Variants in ANKRD31 observed in about 807,000 individuals in gnomAD.
ANKRD31 encodes ankyrin repeat domain 31, also known as ankyrin repeat domain-containing protein 31.
Under a neutral mutation model 186.0 loss-of-function variants are expected in ANKRD31, and 147 were observed. The observed-to-expected ratio is 0.79, with a 90% CI of 0.69 to 0.91. The LOEUF is 0.91. ANKRD31 is among the 40% of genes least tolerant of loss of function. ANKRD31 has a pLI of 0.00. For missense variants in ANKRD31, 1,986 were observed against 2,148.8 expected, an observed-to-expected ratio of 0.92 and a Z score of 1.50; for synonymous variants, 673 against 736.4, an observed-to-expected ratio of 0.91 and a Z score of 1.39.
chr5:75,116,453 C>A (rs1489743837), intron 19 of ANKRD31, 113 bp downstream of exon 19: 2 of 395,386 alleles, frequency 5.1e-6, no homozygotes, highest in Admixed American at 4.7e-5. Flanking sequence ...TAAAAAATTT[C>A]TATCTTTGTA....
intron 17 of ANKRD31, among the ~76,000 whole-genome samples, chr5:75,120,903 T>A (rs1377016632): frequency 6.6e-6 from 1 of 151,932 alleles, no homozygotes; most frequent in African/African-American, 2.4e-5. Context: ...AGACAAAAGA[T>A]AAAGGGTGCG....
intron 22 of ANKRD31, among the ~76,000 whole-genome samples, chr5:75,100,835 T>A (rs541173267): frequency 6.6e-6 from 1 of 152,318 alleles, no homozygotes; most frequent in African/African-American, 2.4e-5. Flanking sequence ...ATCAGATGGG[T>A]CTCCTGAATA....
rs559269329 is a variant in ANKRD31, at chr5:75,075,286, A to G, written c.5647+5282T>C. On this transcript the variant is annotated intron_variant, in intron 25 of 25. Transcript: ENST00000506364. ...CATGCTCCAGGTATGGCCTATGGGT[A>G]TGGTTTTCCCCACCCTCTCCTTGTT... is the stretch of plus-strand genomic sequence containing the variant. Among the ~76,000 whole-genome samples the G allele has an allele frequency of 2.0e-5, 3 of 152,306 alleles. No homozygotes were observed. In the East Asian group the frequency reaches 5.8e-4, roughly 29 times the overall value.
rs2150149537 is a variant in ANKRD31 at position 75,148,640 on chromosome 5, AAG to A, written c.1853-14_1853-13del. 1 of 1,516,846 alleles carries A rather than the reference AAG, an allele frequency of 6.6e-7. No individual in the cohort carries two copies. The highest frequency in any genetic ancestry group is 8.8e-7 in the Non-Finnish European group (1 of 1,136,380). The allele number at this position is 1,516,846 out of a possible 1,614,324, so 94.0% of individuals were successfully genotyped here. ...GCTACTCCTTTGAGCTGTAAACAAA[AAG>A]AGAAAATCAATGAAAACAGCTTCTA... On this transcript the variant is annotated splice_polypyrimidine_tract_variant and intron_variant, in intron 12 of 25. Coordinates refer to ENST00000506364, the MANE Select transcript of ANKRD31 (RefSeq NM_001372053.1).
At chr5:75,100,024 A>C (rs1426081425) in intron 22 of ANKRD31, among the ~76,000 whole-genome samples, 1 of 152,044 alleles carries the variant, frequency 6.6e-6, no homozygotes, top group African/African-American at 2.4e-5. Flanking sequence ...TAGGGTGTCA[A>C]TTTTAGGTCT....
intron 24 of ANKRD31, among the ~76,000 whole-genome samples, chr5:75,082,591 G>C (rs1432148073): frequency 2.0e-5 from 3 of 152,104 alleles, no homozygotes; most frequent in Non-Finnish European, 4.4e-5. Context: ...CAGGCTAAAG[G>C]CTATTCCATC....
chr5:75,091,222 T>C (rs1266776682), intron 23 of ANKRD31, 39 bp downstream of exon 23: 4 of 1,494,430 alleles, frequency 2.7e-6, no homozygotes, highest in African/African-American at 2.8e-5. Flanking sequence ...ACTTTTCCAT[T>C]TGAATATGAA....
At chr5:75,096,418 G>T (rs1746322250) in intron 22 of ANKRD31, among the ~76,000 whole-genome samples, 1 of 152,086 alleles carries the variant, frequency 6.6e-6, no homozygotes, top group Non-Finnish European at 1.5e-5. Flanking sequence ...TTAGACCTTT[G>T]TCAGGTGGAT....
At chr5:75,179,020 A>C in intron 10 of ANKRD31, among the ~76,000 whole-genome samples, 1 of 152,184 alleles carries the variant, frequency 6.6e-6, no homozygotes, top group African/African-American at 2.4e-5. Flanking sequence ...GAGAAGAATC[A>C]AATAGACGCA....
Position 75,140,269 on chromosome 5 carries a change from A to G in ANKRD31, c.3596-1286T>C, listed in dbSNP as rs2335148. On this transcript the variant is annotated intron_variant, in intron 15 of 25. Coordinates refer to ENST00000506364, the MANE Select transcript of ANKRD31 (RefSeq NM_001372053.1). ...AAGGAAGGAAGGAAGGAAGGAAGGA[A>G]AGAGAGAGAGAGAAAGAAAGGAAGG... Among the ~76,000 whole-genome samples, 210 of 35,180 alleles carry G rather than the reference A, an allele frequency of 6.0e-3. 2 individuals carry two copies. The African/African-American group carries it at 0.062, about 10-fold the overall frequency. The allele number at this position is 35,180 out of a possible 152,430, so 23.1% of individuals were successfully genotyped here.
intron 3 of ANKRD31, among the ~76,000 whole-genome samples, chr5:75,216,049 A>G (rs1189590439): frequency 6.6e-6 from 1 of 152,182 alleles, no homozygotes; most frequent in Non-Finnish European, 1.5e-5. Context: ...AGGATATAAA[A>G]GAAAGTTAAA....
intron 1 of ANKRD31, among the ~76,000 whole-genome samples, chr5:75,233,003 CTT>C (rs1397560131): frequency 6.6e-6 from 1 of 152,004 alleles, no homozygotes; most frequent in Non-Finnish European, 1.5e-5. Flanking sequence ...AACTGCCTCT[CTT>C]TGTTTAACCC....
chr5:75,137,367 C>T (rs1040309791), intron 17 of ANKRD31, among the ~76,000 whole-genome samples: 2 of 152,012 alleles, frequency 1.3e-5, no homozygotes, highest in African/African-American at 2.4e-5. Context: ...TAATGATCCT[C>T]GTAATCTTTT....
rs558431687 is a variant in ANKRD31 at position 75,074,145 on chromosome 5, C to T, written c.5648-5481G>A. Among the ~76,000 whole-genome samples the T allele has an allele frequency of 3.7e-4, 56 of 152,206 alleles. No homozygotes were observed. In the South Asian group the frequency reaches 9.8e-3, roughly 27 times the overall value. On this transcript the variant is annotated intron_variant, in intron 25 of 25. Coordinates refer to ENST00000506364, the MANE Select transcript of ANKRD31 (RefSeq NM_001372053.1). ...TGGCTGGCTCCTCAGTAGCAGAAGGCGGCACTTCCAGGGTAAACCCATGGA... is the reference window on the plus strand; with the variant it reads ...TGGCTGGCTCCTCAGTAGCAGAAGGTGGCACTTCCAGGGTAAACCCATGGA...
Position 75,080,656 on chromosome 5 carries a change from A to C in ANKRD31, c.5576-17T>G. On this transcript the variant is annotated splice_polypyrimidine_tract_variant and intron_variant, in intron 24 of 25. Transcript: ENST00000506364. ...AAGCAACTTCTGAAAGTGAAACAAAACGTTAGTAATAATTTTGCTGAATTA... is the reference window on the plus strand; with the variant it reads ...AAGCAACTTCTGAAAGTGAAACAAACCGTTAGTAATAATTTTGCTGAATTA... 1 of 1,518,758 alleles carries C rather than the reference A, an allele frequency of 6.6e-7. No individual in the cohort carries two copies. The highest frequency in any genetic ancestry group is 1.4e-5 in the African/African-American group (1 of 72,514). 94.1% of individuals were successfully genotyped at this position (1,518,758 alleles called of 1,614,324 possible).
At position 75,144,026 on chromosome 5, in the gene ANKRD31, A is replaced by G; in HGVS notation, c.3570T>C (p.Ser1190=). 2.5e-6 allele frequency: 1 copy of G among 397,302 alleles called. No homozygotes were observed. Among genetic ancestry groups the G allele is most frequent in the East Asian group, 3.6e-5 (1 of 27,922 alleles). 24.6% of individuals were successfully genotyped at this position (397,302 alleles called of 1,614,324 possible). Reference sequence around the variant, plus strand: ...CTAGGTTGCAGGTAGTTTTTAAGAAACTTTGTCTTTTTCTGAAATTCTGAA... The same window carrying G: ...CTAGGTTGCAGGTAGTTTTTAAGAAGCTTTGTCTTTTTCTGAAATTCTGAA... ...KTVQNFRKRQ[S]FLKTTCNLGM... Residue 1190 remains serine (S), a synonymous_variant, in exon 15 of 26, where the codon AGT becomes AGC. Transcript: ENST00000506364.
intron 11 of ANKRD31, among the ~76,000 whole-genome samples, chr5:75,157,747 C>T (rs1260847590): frequency 6.6e-6 from 1 of 152,076 alleles, no homozygotes; most frequent in Non-Finnish European, 1.5e-5. Flanking sequence ...GGCATGAATC[C>T]CTGTGACACA....
chr5:75,116,745 T>G, intron 18 of ANKRD31, 64 bp from the exon 19 acceptor site: 2 of 890,492 alleles, frequency 2.2e-6, no homozygotes, highest in Non-Finnish European at 3.1e-6. Context: ...ATTTTTCAGT[T>G]TTAATGTGAT....
intron 14 of ANKRD31, 128 bp downstream of exon 14, chr5:75,145,859 A>C: frequency 1.2e-6 from 1 of 826,054 alleles, no homozygotes; most frequent in Non-Finnish European, 1.7e-6. Context: ...GTGGCATCTC[A>C]AAATATGGCC....
Sources: allele counts gnomAD v4.1 joint callset (sites outside exome capture counted in the v4.1 genomes callset), GRCh38; gene constraint gnomAD v4.1.1; transcripts MANE v1.5; gene names NCBI Gene and HGNC (gene_info 2026-07-23, HGNC 2026-07-21).